ABCC10: variants seen among roughly 807,000 people sequenced by gnomAD.
The protein encoded by ABCC10 is ATP-binding cassette sub-family C member 10.
In ABCC10, 110 loss-of-function variants were observed where a neutral mutation model predicts 143.2. The ratio of observed to expected loss-of-function variants is 0.77; its 90% CI spans 0.66 to 0.90. The LOEUF is 0.90. Ranked by LOEUF, ABCC10 falls within the 40% of genes least tolerant of loss-of-function variation. The probability of loss-of-function intolerance (pLI) is 0.00; values close to 1 mark genes in which losing one functional copy is unlikely to be tolerated. For missense variants in ABCC10, 1,700 were observed against 1,900.5 expected (o/e 0.89, Z 1.96); for synonymous variants, 805 against 846.7 (o/e 0.95, Z 0.85).
rs1782523342 is a variant in ABCC10 at position 43,441,979 on chromosome 6, T to C, written c.2226+19T>C. On this transcript the variant is annotated intron_variant, in intron 9 of 21. Coordinates refer to ENST00000372530, the MANE Select transcript of ABCC10 (RefSeq NM_001198934.2). ...CTACCAGGTCAGTTAAAGATGGAGGTTGCAGTGGCAGGGAGGTGGGGGGAG... is the reference window on the plus strand; with the variant it reads ...CTACCAGGTCAGTTAAAGATGGAGGCTGCAGTGGCAGGGAGGTGGGGGGAG... 3 of 1,609,916 alleles carry C rather than the reference T, an allele frequency of 1.9e-6. No individual in the cohort carries two copies. The highest frequency in any genetic ancestry group is 2.5e-6 in the Non-Finnish European group (3 of 1,176,754).
Position 43,443,762 on chromosome 6 carries a change from T to C in ABCC10, c.2417-171T>C. 1 of 637,490 alleles carries C rather than the reference T, an allele frequency of 1.6e-6. No individual in the cohort carries two copies. Among genetic ancestry groups the C allele is most frequent in the Non-Finnish European group, 2.8e-6 (1 of 356,584 alleles). The allele number at this position is 637,490 out of a possible 1,614,324, so 39.5% of individuals were successfully genotyped here. On this transcript the variant is annotated intron_variant, in intron 10 of 21. Coordinates refer to ENST00000372530, the MANE Select transcript of ABCC10 (RefSeq NM_001198934.2). The surrounding 1 kb of genome is among the most constrained non-coding windows in gnomAD (Gnocchi z 4.2). ...AGGTCTAGGGGTATCCAGAGCAGGGTGGGTTAGAGAGGGAGGCCTAAGAGT... is the reference window on the plus strand; with the variant it reads ...AGGTCTAGGGGTATCCAGAGCAGGGCGGGTTAGAGAGGGAGGCCTAAGAGT...
Position 43,428,065 on chromosome 6 carries a change from C to T in ABCC10, c.87C>T (p.Phe29=). Residue 29 remains phenylalanine (F), a synonymous_variant, in exon 2 of 22, where the codon TTC becomes TTT. Coordinates refer to ENST00000372530, the MANE Select transcript of ABCC10 (RefSeq NM_001198934.2). ...AGGGGGACACCACAGGCCACTGCTT[C>T]ACCCAGCTGGTGCTCAGCGCCCTGC... ...LWEGDTTGHC[F]TQLVLSALPH... is the part of the protein sequence containing the mutation. 6.3e-7 allele frequency: 1 copy of T among 1,584,690 alleles called. No homozygotes were observed. Among genetic ancestry groups the T allele is most frequent in the Admixed American group, 1.8e-5 (1 of 55,102 alleles).
intron 2 of ABCC10, among the ~76,000 whole-genome samples, chr6:43,430,191 A>G (rs893178849): frequency 6.6e-6 from 1 of 151,870 alleles, no homozygotes; most frequent in Non-Finnish European, 1.5e-5. Flanking sequence ...CTTGGGTTCA[A>G]GCGATTCTCC....
rs756393757 is a variant in ABCC10 at position 43,432,190 on chromosome 6, T to C, written c.210T>C (p.Leu70=). 1.9e-5 allele frequency: 31 copies of C among 1,614,092 alleles called. No homozygotes were observed. Among genetic ancestry groups the C allele is most frequent in the Non-Finnish European group, 2.2e-5 (26 of 1,180,038 alleles). The part of the protein sequence containing the change: ...LPCSPGWRLR[L]AASFLLSVFP... Reference sequence around the variant, plus strand: ...GCAGTCCTGGATGGCGCCTCCGACTTGCAGCTTCCTTCCTGCTTTCCGTCT... The same window carrying C: ...GCAGTCCTGGATGGCGCCTCCGACTCGCAGCTTCCTTCCTGCTTTCCGTCT... The change falls in exon 3 of 22, where the codon CTT becomes CTC. Residue 70 remains leucine, a synonymous_variant. Transcript: ENST00000372530.
Position 43,449,533 on chromosome 6 carries a change from A to G in ABCC10, c.4315A>G (p.Arg1439Gly). 1 of 1,612,106 alleles carries G rather than the reference A, an allele frequency of 6.2e-7. No homozygotes were observed. Among genetic ancestry groups the G allele is most frequent in the Non-Finnish European group, 8.5e-7 (1 of 1,178,932 alleles). The change falls in exon 21 of 22, where the codon AGG becomes GGG. Residue 1439 changes from arginine (R) to glycine (G), a missense_variant and splice_region_variant. Transcript: ENST00000372530. Reference sequence around the variant, plus strand: ...CAAGACAGTGCTGACCATTGCCCATAGGTATGTAAACGCCTGGTAACAGCC... The same window carrying G: ...CAAGACAGTGCTGACCATTGCCCATGGGTATGTAAACGCCTGGTAACAGCC... ...ANKTVLTIAH[R>G]LNTILNSDRV...
chr6:43,432,061 A>C, intron 2 of ABCC10, 81 bp from the exon 3 acceptor site: 1 of 1,554,304 alleles, frequency 6.4e-7, no homozygotes, highest in Non-Finnish European at 8.7e-7. Context: ...TCCTTAGGTA[A>C]GTGAATTATT....
At chr6:43,428,210 G>A in intron 2 of ABCC10, 71 bp downstream of exon 2, 1 of 1,428,556 alleles carries the variant, frequency 7.0e-7, no homozygotes. Flanking sequence ...TACATCTTCC[G>A]GCAGTGTCAC....
At chr6:43,447,181 C>T (rs1166564606) in intron 16 of ABCC10, 67 bp from the exon 17 acceptor site, 5 of 1,555,742 alleles carry the variant, frequency 3.2e-6, no homozygotes, top group African/African-American at 1.4e-5. Context: ...AGTCCACAGC[C>T]TGGGGAGTCT....
At position 43,446,281 on chromosome 6, in the gene ABCC10, G is replaced by C. The variant is rs1309509001; in HGVS notation, c.3379G>C (p.Glu1127Gln). The C allele has an allele frequency of 6.2e-7, 1 of 1,613,408 alleles. No individual in the cohort carries two copies. Among genetic ancestry groups the C allele is most frequent in the African/African-American group, 1.3e-5 (1 of 75,022 alleles). ...LRATGATYRFEEENLRLLELN... is the reference protein window; with the variant it reads ...LRATGATYRFQEENLRLLELN... ...CATCCCTCTGGCCTTCCCTAGGTTT[G>C]AGGAGGAGAACCTGCGACTCCTTGA... The change falls in exon 16 of 22, where the codon GAG (glutamate) becomes CAG (glutamine). Residue 1127 changes from glutamate (E) to glutamine (Q), a missense_variant. Physicochemically the swap from Glu to Gln is conservative, Grantham distance 29. Transcript: ENST00000372530.
intron 3 of ABCC10, 95 bp from the exon 4 acceptor site, chr6:43,434,526 C>A: frequency 1.7e-6 from 2 of 1,171,108 alleles, no homozygotes; most frequent in South Asian, 1.4e-5. Flanking sequence ...GCTTAGAGTA[C>A]TGAACATTCT....
intron 8 of ABCC10, among the ~76,000 whole-genome samples, chr6:43,440,113 C>T (rs934079378): frequency 5.3e-5 from 8 of 151,988 alleles, no homozygotes; most frequent in Admixed American, 2.6e-4. Flanking sequence ...TAAGCTGCCA[C>T]GCCTGCCTAA....
At position 43,450,036 on chromosome 6, in the gene ABCC10, A is replaced by G. The variant is rs1256019630; in HGVS notation, c.4424A>G (p.Gln1475Arg). 6.2e-7 allele frequency: 1 copy of G among 1,612,662 alleles called. No homozygotes were observed. The highest frequency in any genetic ancestry group is 1.7e-5 in the Admixed American group (1 of 59,978). The change falls in exon 22 of 22, where the codon CAG becomes CGG. Residue 1475 changes from glutamine (Q) to arginine (R), a missense_variant. Coordinates refer to ENST00000372530, the MANE Select transcript of ABCC10 (RefSeq NM_001198934.2). The surrounding 1 kb of genome is among the most constrained non-coding windows in gnomAD (Gnocchi z 4.5). ...CGCAACCAGCCCCACTCCCTGTTCC[A>G]GCAGCTGCTGCAGAGCAGCCAGCAG... The part of the protein sequence containing the change: ...TLRNQPHSLF[Q>R]QLLQSSQQGV...
At chr6:43,428,267 AAGCATT>A (rs1302842988) in intron 2 of ABCC10, 128 bp downstream of exon 2, 2 of 1,118,180 alleles carry the variant, frequency 1.8e-6, no homozygotes, top group Non-Finnish European at 2.5e-6. Context: ...AATAAAATCT[AAGCATT>A]GCTACTTAGC....
intron 6 of ABCC10, 33 bp downstream of exon 6, chr6:43,436,280 A>G (rs758336601): frequency 1.2e-6 from 2 of 1,603,698 alleles, no homozygotes; most frequent in South Asian, 2.2e-5. Flanking sequence ...GAGAGTCCTC[A>G]GACTAACGAG....
At chr6:43,440,235 G>A (rs1375837945) in intron 8 of ABCC10, among the ~76,000 whole-genome samples, 1 of 152,234 alleles carries the variant, frequency 6.6e-6, no homozygotes, top group Non-Finnish European at 1.5e-5. Context: ...GGGATTACAG[G>A]CGTGAGCCAC....
At position 43,432,211 on chromosome 6, in the gene ABCC10, C is replaced by T. The variant is rs142930455; in HGVS notation, c.231C>T (p.Ser77=). 13 of 1,614,110 alleles carry T rather than the reference C, an allele frequency of 8.1e-6. No individual in the cohort carries two copies. The Admixed American group carries it at 8.3e-5, about 10-fold the overall frequency. Residue 77 remains serine, a synonymous_variant, in exon 3 of 22, where the codon TCC becomes TCT. Transcript: ENST00000372530. ...GACTTGCAGCTTCCTTCCTGCTTTCCGTCTTCCCGCTGCTAGACCTTCTTC... is the reference window on the plus strand; with the variant it reads ...GACTTGCAGCTTCCTTCCTGCTTTCTGTCTTCCCGCTGCTAGACCTTCTTC... The part of the protein sequence containing the change: ...RLRLAASFLL[S]VFPLLDLLPV...
chr6:43,442,847 CCTT>C (rs755315381), intron 9 of ABCC10, 120 bp from the exon 10 acceptor site: 56 of 865,624 alleles, frequency 6.5e-5, no homozygotes, highest in East Asian at 3.7e-4. Flanking sequence ...GGTCTCACCT[CCTT>C]CTCTGCTAGT....
At chr6:43,442,026 C>T in intron 9 of ABCC10, 66 bp downstream of exon 9, 1 of 1,407,228 alleles carries the variant, frequency 7.1e-7, no homozygotes, top group South Asian at 1.2e-5. Context: ...GGGAACTTGG[C>T]TGAGTTAGGA....
chr6:43,448,282 C>T (rs548939371), intron 18 of ABCC10, among the ~76,000 whole-genome samples: 3 of 152,316 alleles, frequency 2.0e-5, no homozygotes, highest in South Asian at 4.1e-4. Flanking sequence ...AGACCTGAAC[C>T]GGTTGCCCTT....
Sources: allele counts gnomAD v4.1 joint callset (sites outside exome capture counted in the v4.1 genomes callset), GRCh38; gene constraint gnomAD v4.1.1; non-coding constraint Gnocchi (gnomAD v3.1); transcripts MANE v1.5; gene names NCBI Gene and HGNC (gene_info 2026-07-23, HGNC 2026-07-21).